Variants in VTI1A observed in about 807,000 individuals in gnomAD.
VTI1A encodes the protein vesicle transport through interaction with t-SNAREs 1A.
Under a neutral mutation model 34.9 loss-of-function variants are expected in VTI1A, and 22 were observed. The observed-to-expected ratio is 0.63, with a 90% CI of 0.45 to 0.90. The LOEUF (loss-of-function observed/expected upper bound fraction) is 0.90, where lower values mean the gene tolerates loss of function less well. Ranked by LOEUF, VTI1A falls within the 40% of genes least tolerant of loss-of-function variation. VTI1A has a pLI of 0.00. For missense variants in VTI1A, 268 were observed against 275.6 expected (o/e 0.97, Z 0.20); for synonymous variants, 87 against 97.3 (o/e 0.89, Z 0.62).
At chr10:112,573,531 G>A (rs57852002) in intron 5 of VTI1A, among the ~76,000 whole-genome samples, 1,879 of 152,224 alleles carry the variant, frequency 0.012, 40 homozygotes, top group African/African-American at 0.041. Context: ...AATTGACTGA[G>A]GTACAACCTA....
At chr10:112,760,916 G>T (rs1200851343) in intron 7 of VTI1A, among the ~76,000 whole-genome samples, 2 of 147,146 alleles carry the variant, frequency 1.4e-5, no homozygotes, top group Non-Finnish European at 3.0e-5. Flanking sequence ...AAACCAAAAA[G>T]TTGGAAACAA....
chr10:112,710,194 C>T (rs117957969), intron 7 of VTI1A, among the ~76,000 whole-genome samples: 1,688 of 144,796 alleles, frequency 0.012, 14 homozygotes, highest in Non-Finnish European at 0.017. Flanking sequence ...CATTTGTTGT[C>T]CTCCAGTTAA....
At chr10:112,575,389 TC>T (rs1852292588) in intron 5 of VTI1A, among the ~76,000 whole-genome samples, 1 of 152,250 alleles carries the variant, frequency 6.6e-6, no homozygotes, top group Non-Finnish European at 1.5e-5. Context: ...AATGTACAAG[TC>T]AAGGTTTTCT....
At chr10:112,793,649 G>T (rs1463551866) in intron 7 of VTI1A, among the ~76,000 whole-genome samples, 1 of 152,182 alleles carries the variant, frequency 6.6e-6, no homozygotes, top group Admixed American at 6.5e-5. Flanking sequence ...AACGCAATTA[G>T]ATACTTAAAA....
In VTI1A at chr10:112,816,541, C is replaced by G. The variant is rs1853526915; in HGVS notation, c.*1158C>G. On this transcript the variant is annotated 3_prime_UTR_variant, in exon 8 of 8. Transcript: ENST00000393077. ...TTCTAATATGCTTTGTGATTTTTTT[C>G]TTTCATTTCTTTCTGTCTGAGGTAA... 1 of 223,844 alleles carries G rather than the reference C, an allele frequency of 4.5e-6. No homozygotes were observed. The highest frequency in any genetic ancestry group is 8.9e-6 in the Non-Finnish European group (1 of 112,202). The allele number at this position is 223,844 out of a possible 1,614,324, so 13.9% of individuals were successfully genotyped here.
intron 5 of VTI1A, among the ~76,000 whole-genome samples, chr10:112,642,379 A>C (rs958629667): frequency 6.6e-5 from 10 of 152,148 alleles, no homozygotes; most frequent in African/African-American, 2.4e-4. Flanking sequence ...CATCAGTTCT[A>C]TGGGTTATCA....
At chr10:112,534,701 A>G (rs958084544) in intron 4 of VTI1A, among the ~76,000 whole-genome samples, 3 of 152,316 alleles carry the variant, frequency 2.0e-5, no homozygotes, top group East Asian at 3.9e-4. Context: ...TATCTTCCCT[A>G]CAGGGGAGCA....
At chr10:112,773,014 G>C (rs1384105624) in intron 7 of VTI1A, among the ~76,000 whole-genome samples, 2 of 152,160 alleles carry the variant, frequency 1.3e-5, no homozygotes, top group African/African-American at 4.8e-5. Flanking sequence ...CCATTGAGTA[G>C]GTAAAATAAT....
intron 5 of VTI1A, among the ~76,000 whole-genome samples, chr10:112,586,438 A>G (rs1043071156): frequency 2.6e-5 from 4 of 152,186 alleles, no homozygotes; most frequent in Non-Finnish European, 5.9e-5. Flanking sequence ...ATAAGTGAAC[A>G]TTACAGGTGC....
the VTI1A span, among the ~76,000 whole-genome samples, chr10:112,840,542 T>C: frequency 6.6e-6 from 1 of 152,176 alleles, no homozygotes; most frequent in Non-Finnish European, 1.5e-5. Context: ...TGCCGAGGCA[T>C]GAAAAGCTCC....
At chr10:112,471,213 T>C (rs1848062828) in intron 3 of VTI1A, among the ~76,000 whole-genome samples, 1 of 152,182 alleles carries the variant, frequency 6.6e-6, no homozygotes, top group Non-Finnish European at 1.5e-5. Flanking sequence ...ACTAAATACC[T>C]GTTTAAAGGA....
intron 5 of VTI1A, among the ~76,000 whole-genome samples, chr10:112,619,007 T>A (rs1179700231): frequency 6.6e-6 from 1 of 150,494 alleles, no homozygotes; most frequent in Non-Finnish European, 1.5e-5. Context: ...TGGGAGAATC[T>A]CCAACAAAAA....
chr10:112,792,224 G>A (rs541666082), intron 7 of VTI1A, among the ~76,000 whole-genome samples: 9 of 152,264 alleles, frequency 5.9e-5, no homozygotes, highest in African/African-American at 9.6e-5. Flanking sequence ...GCAGTGAGCC[G>A]AGATTGTACC....
rs1040077859 is a variant in VTI1A, at chr10:112,815,844, C to T, written c.*461C>T. ...CAGGGGATGGAGTCAGTGACCCCGT[C>T]CAGCAAGCCAGCCCTGTTCCTACAC... On this transcript the variant is annotated 3_prime_UTR_variant, in exon 8 of 8. Transcript: ENST00000393077. 4.0e-6 allele frequency: 1 copy of T among 249,028 alleles called. No individual in the cohort carries two copies. Among genetic ancestry groups the T allele is most frequent in the Non-Finnish European group, 7.8e-6 (1 of 127,738 alleles). The allele number at this position is 249,028 out of a possible 1,614,324, so 15.4% of individuals were successfully genotyped here.
intron 5 of VTI1A, among the ~76,000 whole-genome samples, chr10:112,619,438 G>A (rs1247497686): frequency 6.6e-6 from 1 of 152,150 alleles, no homozygotes; most frequent in Non-Finnish European, 1.5e-5. Context: ...TTGTGCTCAA[G>A]GATCTTACAG....
At chr10:112,753,803 A>G (rs1851185339) in intron 7 of VTI1A, among the ~76,000 whole-genome samples, 1 of 152,228 alleles carries the variant, frequency 6.6e-6, no homozygotes, top group Non-Finnish European at 1.5e-5. Context: ...GGAAAGCCTC[A>G]ATTTCAGCTT....
intron 5 of VTI1A, among the ~76,000 whole-genome samples, chr10:112,629,422 G>T (rs1231765611): frequency 6.6e-6 from 1 of 152,218 alleles, no homozygotes; most frequent in Non-Finnish European, 1.5e-5. Flanking sequence ...GCTGTTAGGA[G>T]GATAGTTGGC....
intron 7 of VTI1A, among the ~76,000 whole-genome samples, chr10:112,779,674 T>G (rs1852056418): frequency 1.3e-5 from 2 of 152,238 alleles, no homozygotes; most frequent in Admixed American, 1.3e-4. Context: ...GGCAGTCAAA[T>G]CTGTTTCAGC....
chr10:112,813,984 G>A lies in VTI1A; in HGVS notation c.561-1306G>A, dbSNP rs74156818. 7.2e-3 allele frequency among the ~76,000 whole-genome samples: 1,098 copies of A among 152,328 alleles called. 13 individuals carry two copies. Among genetic ancestry groups the A allele is most frequent in the African/African-American group, 0.025 (1,035 of 41,560 alleles). ...CGTCCTTTTAGGGGGCCACGAGGGAGTGGGTTGGTCTGATAAGACAGTTTC... is the reference window on the plus strand; with the variant it reads ...CGTCCTTTTAGGGGGCCACGAGGGAATGGGTTGGTCTGATAAGACAGTTTC... On this transcript the variant is annotated intron_variant, in intron 7 of 7. Coordinates refer to ENST00000393077, the MANE Select transcript of VTI1A (RefSeq NM_145206.4).
Sources: allele counts gnomAD v4.1 joint callset (sites outside exome capture counted in the v4.1 genomes callset), GRCh38; gene constraint gnomAD v4.1.1; transcripts MANE v1.5; gene names NCBI Gene and HGNC (gene_info 2026-07-23, HGNC 2026-07-21).